Variants in VWC2L observed in about 807,000 individuals in gnomAD.
VWC2L encodes the protein von Willebrand factor C domain-containing protein 2-like.
Under a neutral mutation model 21.6 loss-of-function variants are expected in VWC2L, and 10 were observed. The observed-to-expected ratio is 0.46, with a 90% CI of 0.29 to 0.78. VWC2L has a LOEUF of 0.78. VWC2L is among the 30% of genes least tolerant of loss of function. The probability of loss-of-function intolerance (pLI) is 0.10; values close to 1 mark genes in which losing one functional copy is unlikely to be tolerated. For missense variants in VWC2L, 209 were observed against 277.1 expected, an observed-to-expected ratio of 0.75 and a Z score of 1.74; for synonymous variants, 96 against 94.3, an observed-to-expected ratio of 1.02 and a Z score of -0.10.
At chr2:214,458,500 TCTTC>T (rs1222500045) in intron 3 of VWC2L, among the ~76,000 whole-genome samples, 1 of 152,098 alleles carries the variant, frequency 6.6e-6, no homozygotes, top group African/African-American at 2.4e-5. Flanking sequence ...TTGCTTTTCT[TCTTC>T]CTTAAGGGGC....
At chr2:214,419,109 G>A (rs1702397422) in intron 2 of VWC2L, among the ~76,000 whole-genome samples, 1 of 151,970 alleles carries the variant, frequency 6.6e-6, no homozygotes, top group African/African-American at 2.4e-5. Flanking sequence ...ATTTTTGTGG[G>A]GTTTTTATTT....
intron 3 of VWC2L, among the ~76,000 whole-genome samples, chr2:214,448,662 C>T (rs193053771): frequency 3.9e-5 from 6 of 152,226 alleles, no homozygotes; most frequent in Non-Finnish European, 8.8e-5. Context: ...ATGTGTGGGT[C>T]GCTTTAGTGC....
At position 214,524,813 on chromosome 2, in the gene VWC2L, A is replaced by C. The variant is rs369832621; in HGVS notation, c.521-50859A>C. Among the ~76,000 whole-genome samples, 28 of 152,280 alleles carry C rather than the reference A, an allele frequency of 1.8e-4. 1 individual carries two copies. Among genetic ancestry groups the C allele is most frequent in the African/African-American group, 6.3e-4 (26 of 41,574 alleles). ...TTTAAAAGAATCAGATCATTTGACT[A>C]TCACACCAAATATATTGTAGACCGT... On this transcript the variant is annotated intron_variant, in intron 3 of 3. Transcript: ENST00000312504.
chr2:214,461,740 G>A (rs1703144421), intron 3 of VWC2L, among the ~76,000 whole-genome samples: 4 of 152,126 alleles, frequency 2.6e-5, no homozygotes, highest in African/African-American at 7.2e-5. Flanking sequence ...AGGCAGGATG[G>A]GGCAATCCCC....
intron 3 of VWC2L, among the ~76,000 whole-genome samples, chr2:214,457,877 T>C (rs1703079949): frequency 6.6e-6 from 1 of 152,178 alleles, no homozygotes; most frequent in Non-Finnish European, 1.5e-5. Context: ...TAGTATTTAG[T>C]TGAAGATTTT....
intron 2 of VWC2L, among the ~76,000 whole-genome samples, chr2:214,427,540 C>G (rs1702542285): frequency 6.6e-6 from 1 of 152,268 alleles, no homozygotes; most frequent in African/African-American, 2.4e-5. Context: ...ATGCCATTCT[C>G]AATCGAACCA....
At chr2:214,543,178 C>G (rs927188102) in intron 3 of VWC2L, among the ~76,000 whole-genome samples, 10 of 152,180 alleles carry the variant, frequency 6.6e-5, no homozygotes, top group African/African-American at 2.4e-4. Context: ...TTCTGATACA[C>G]CCTGCTTCCC....
At chr2:214,459,319 T>C (rs528240761) in intron 3 of VWC2L, among the ~76,000 whole-genome samples, 1 of 152,200 alleles carries the variant, frequency 6.6e-6, no homozygotes, top group African/African-American at 2.4e-5. Flanking sequence ...GGGAAGTGGG[T>C]TTCTTTTAGG....
At chr2:214,494,784 T>G (rs1688789684) in intron 3 of VWC2L, among the ~76,000 whole-genome samples, 1 of 150,756 alleles carries the variant, frequency 6.6e-6, no homozygotes, top group Non-Finnish European at 1.5e-5. Flanking sequence ...GGTACTTTTT[T>G]TTTTTTAAGT....
intron 3 of VWC2L, among the ~76,000 whole-genome samples, chr2:214,538,090 A>G (rs1689564820): frequency 6.6e-6 from 1 of 152,042 alleles, no homozygotes; most frequent in Non-Finnish European, 1.5e-5. Context: ...ATGCTTGGAA[A>G]TTGTGAGGAG....
At chr2:214,531,270 C>T (rs1157412139) in intron 3 of VWC2L, among the ~76,000 whole-genome samples, 1 of 152,152 alleles carries the variant, frequency 6.6e-6, no homozygotes, top group East Asian at 1.9e-4. Flanking sequence ...TAAACGCATT[C>T]TGATCGTGTG....
intron 3 of VWC2L, among the ~76,000 whole-genome samples, chr2:214,493,117 C>A (rs1574595755): frequency 1.3e-5 from 2 of 152,296 alleles, no homozygotes; most frequent in South Asian, 4.1e-4. Context: ...CATAAAATTA[C>A]ACTAGCACAA....
intron 3 of VWC2L, among the ~76,000 whole-genome samples, chr2:214,470,560 A>C (rs558195448): frequency 6.6e-6 from 1 of 152,244 alleles, no homozygotes; most frequent in African/African-American, 2.4e-5. Flanking sequence ...TTAGAATATT[A>C]ATGGCAACAT....
intron 3 of VWC2L, among the ~76,000 whole-genome samples, chr2:214,568,475 G>A (rs1690101635): frequency 3.3e-5 from 5 of 152,162 alleles, no homozygotes; most frequent in Admixed American, 3.3e-4. Context: ...AATGTAAAAA[G>A]GAAAGAGGTT....
chr2:214,453,062 G>T (rs927929909), intron 3 of VWC2L, among the ~76,000 whole-genome samples: 1 of 152,112 alleles, frequency 6.6e-6, no homozygotes, highest in African/African-American at 2.4e-5. Flanking sequence ...TGGGAGAGCG[G>T]TTTTTAATTA....
rs1399275971 is a variant in VWC2L, at chr2:214,414,790, C to A, written c.390+207C>A. ...CATATTTGTTAAGTTGCACAATAAC[C>A]TTTATTTTTTTTCCCAGAAGTATTT... On this transcript the variant is annotated intron_variant, in intron 2 of 3. Transcript: ENST00000312504. 6 of 595,752 alleles carry A rather than the reference C, an allele frequency of 1.0e-5. No homozygotes were observed. The East Asian group carries it at 1.5e-4, about 15-fold the overall frequency. The allele number at this position is 595,752 out of a possible 1,614,324, so 36.9% of individuals were successfully genotyped here.
At chr2:214,502,942 A>G (rs1187967486) in intron 3 of VWC2L, among the ~76,000 whole-genome samples, 1 of 152,184 alleles carries the variant, frequency 6.6e-6, no homozygotes, top group Non-Finnish European at 1.5e-5. Flanking sequence ...TTCTATTTGT[A>G]TGTAGTTGTT....
intron 3 of VWC2L, among the ~76,000 whole-genome samples, chr2:214,523,947 GTTTGT>G (rs997395782): frequency 2.6e-5 from 4 of 151,994 alleles, no homozygotes; most frequent in African/African-American, 9.7e-5. Context: ...AATTTCTGGG[GTTTGT>G]TTTAACTATG....
chr2:214,502,056 A>G (rs1197842293), intron 3 of VWC2L, among the ~76,000 whole-genome samples: 2 of 152,218 alleles, frequency 1.3e-5, no homozygotes, highest in Non-Finnish European at 2.9e-5. Context: ...ATTGTTTTCT[A>G]TTACCATGTT....
Sources: allele counts gnomAD v4.1 joint callset (sites outside exome capture counted in the v4.1 genomes callset), GRCh38; gene constraint gnomAD v4.1.1; transcripts MANE v1.5; gene names NCBI Gene and HGNC (gene_info 2026-07-23, HGNC 2026-07-21).